CD8B: variants seen among roughly 807,000 people sequenced by gnomAD.
CD8B encodes T-cell surface glycoprotein CD8 beta chain.
CD8B carries 6 observed loss-of-function variants against 24.2 expected under a neutral mutation model. The observed-to-expected ratio is 0.25, with a 90% CI of 0.14 to 0.49. CD8B has a LOEUF of 0.49. CD8B is among the 20% of genes least tolerant of loss of function. CD8B has a pLI of 0.98. For missense variants in CD8B, 196 were observed against 271.3 expected, an observed-to-expected ratio of 0.72 and a Z score of 1.95; for synonymous variants, 84 against 108.3, an observed-to-expected ratio of 0.78 and a Z score of 1.39.
At chr2:86,819,691 A>G (rs944982684) in intron 5 of CD8B, among the ~76,000 whole-genome samples, 2 of 152,228 alleles carry the variant, frequency 1.3e-5, no homozygotes, top group African/African-American at 4.8e-5. Flanking sequence ...GGAGATTAAT[A>G]TTGTTTTTCA....
chr2:86,821,772 AG>A (rs1558747302), intron 5 of CD8B: 1 of 426,234 alleles, frequency 2.3e-6, no homozygotes, highest in Non-Finnish European at 4.8e-6. Flanking sequence ...CCGCTGCAGC[AG>A]GGGAAAGCCC....
In CD8B at chr2:86,840,191, A is replaced by C. The variant is rs1675355307; in HGVS notation, c.*2116T>G. ...AAACACCTGGGTCTGGGGGCAGGGC[A>C]TCTAAGGCCAATTCGTGCTGAATGA... On this transcript the variant is annotated 3_prime_UTR_variant, in exon 6 of 6. Transcript: ENST00000390655. 1.3e-5 allele frequency among the ~76,000 whole-genome samples: 2 copies of C among 152,056 alleles called. No homozygotes were observed. Among genetic ancestry groups the C allele is most frequent in the Non-Finnish European group, 2.9e-5 (2 of 68,010 alleles).
intron 1 of CD8B, 36 bp downstream of exon 1, chr2:86,861,787 G>T: frequency 1.6e-6 from 2 of 1,255,684 alleles, no homozygotes; most frequent in Middle Eastern, 3.0e-4. Flanking sequence ...CCCCGGGAGC[G>T]CAGACCCTTG....
intron 5 of CD8B, chr2:86,843,347 T>C: frequency 2.2e-6 from 1 of 448,366 alleles, no homozygotes; most frequent in Middle Eastern, 1.1e-3. Flanking sequence ...CTACCTGCCT[T>C]GGGCCTCCCA....
intron 1 of CD8B, among the ~76,000 whole-genome samples, chr2:86,859,070 C>T (rs1205731663): frequency 6.6e-6 from 1 of 152,078 alleles, no homozygotes; most frequent in Non-Finnish European, 1.5e-5. Flanking sequence ...CCCTGGCTGC[C>T]ACTGGATGTA....
chr2:86,858,279 G>A lies in CD8B; in HGVS notation c.181C>T (p.Pro61Ser), dbSNP rs967089228. 7 of 1,613,882 alleles carry A rather than the reference G, an allele frequency of 4.3e-6. No homozygotes were observed. The African/African-American group carries it at 9.3e-5, about 22-fold the overall frequency. ...AACTCGTGGTGACTGTCACTGCTCGGTGCCTGGCGCTGTCTCAGCCAGTAG... is the reference window on the plus strand; with the variant it reads ...AACTCGTGGTGACTGTCACTGCTCGATGCCTGGCGCTGTCTCAGCCAGTAG... ...RIYWLRQRQA[P>S]SSDSHHEFLA... is the part of the protein sequence containing the mutation. Residue 61 changes from proline (P) to serine (S), a missense_variant, in exon 2 of 6, where the codon CCG becomes TCG. By Grantham distance (74) the Pro-to-Ser change is moderately conservative (BLOSUM62 -1). Coordinates refer to ENST00000390655, the MANE Select transcript of CD8B (RefSeq NM_004931.5).
chr2:86,832,952 C>CT, intron 5 of CD8B: 1 of 109,950 alleles, frequency 9.1e-6, no homozygotes, highest in Non-Finnish European at 2.1e-5. Flanking sequence ...CCCCTCTCCT[C>CT]CCCTCCCCTC....
chr2:86,823,195 C>T (rs557701226), intron 5 of CD8B, among the ~76,000 whole-genome samples: 6 of 152,152 alleles, frequency 3.9e-5, no homozygotes, highest in Non-Finnish European at 5.9e-5. Context: ...AATTCAGAGA[C>T]ACCACTCTTG....
intron 3 of CD8B, among the ~76,000 whole-genome samples, chr2:86,848,100 A>G (rs1675774596): frequency 6.6e-6 from 1 of 152,132 alleles, no homozygotes; most frequent in African/African-American, 2.4e-5. Context: ...AACAACCTGT[A>G]TATTTCCTTA....
intron 5 of CD8B, among the ~76,000 whole-genome samples, chr2:86,816,846 A>G (rs1674269898): frequency 6.6e-6 from 1 of 152,264 alleles, no homozygotes; most frequent in Non-Finnish European, 1.5e-5. Context: ...TAAAAGTGTG[A>G]TGTTACCATT....
At chr2:86,843,672 C>T (rs1675538786) in intron 5 of CD8B, 1 of 985,228 alleles carries the variant, frequency 1.0e-6, no homozygotes, top group Non-Finnish European at 1.2e-6. Context: ...TCCATTGCTG[C>T]ACTTGCAGAG....
chr2:86,847,230 T>TCCGG (rs1325314964), intron 3 of CD8B, among the ~76,000 whole-genome samples: 1 of 152,008 alleles, frequency 6.6e-6, no homozygotes, highest in Non-Finnish European at 1.5e-5. Context: ...AGCCACCATG[T>TCCGG]CCGGCCATCG....
intron 5 of CD8B, among the ~76,000 whole-genome samples, chr2:86,832,113 G>A (rs1020112929): frequency 6.6e-6 from 1 of 152,136 alleles, no homozygotes; most frequent in African/African-American, 2.4e-5. Flanking sequence ...CTCTATCTGG[G>A]GTGGTGAATT....
At position 86,858,062 on chromosome 2, in the gene CD8B, C is replaced by A; in HGVS notation, c.398G>T (p.Ser133Ile). 1 of 1,613,692 alleles carries A rather than the reference C, an allele frequency of 6.2e-7. No homozygotes were observed. The change falls in exon 2 of 6, where the codon AGT becomes ATT. Residue 133 changes from serine (S) to isoleucine (I), a missense_variant. Transcript: ENST00000390655. ...ELTFGKGTQL[S>I]VVDFLPTTAQ... Reference sequence around the variant, plus strand: ...GCATTGAGCCTGCTTCTTACCCACACTCAGCTGAGTTCCCTTCCCGAAGGT... The same window carrying A: ...GCATTGAGCCTGCTTCTTACCCACAATCAGCTGAGTTCCCTTCCCGAAGGT...
At chr2:86,842,992 C>A (rs1367521352) in intron 5 of CD8B, among the ~76,000 whole-genome samples, 1 of 151,972 alleles carries the variant, frequency 6.6e-6, no homozygotes, top group African/African-American at 2.4e-5. Flanking sequence ...CACTGGGGAG[C>A]AAGTTAAAAT....
At chr2:86,858,535 G>C in intron 1 of CD8B, 119 bp from the exon 2 acceptor site, 1 of 1,450,658 alleles carries the variant, frequency 6.9e-7, no homozygotes, top group South Asian at 1.5e-5. Flanking sequence ...CCAGTTACTG[G>C]GTCCAGGGAG....
chr2:86,822,076 A>G (rs1674501439), intron 5 of CD8B, among the ~76,000 whole-genome samples: 2 of 152,162 alleles, frequency 1.3e-5, no homozygotes, highest in Admixed American at 1.3e-4. Context: ...CACAGGGCAG[A>G]GATGAACCAG....
In CD8B at chr2:86,846,224, G is replaced by A. The variant is rs554770492; in HGVS notation, c.583+460C>T. Reference sequence around the variant, plus strand: ...CCACAGCCTCATCAATATCGGTGTCGTGGAGAGGATTTCTAGCTTCTAGGA... The same window carrying A: ...CCACAGCCTCATCAATATCGGTGTCATGGAGAGGATTTCTAGCTTCTAGGA... On this transcript the variant is annotated intron_variant, in intron 4 of 5. Coordinates refer to ENST00000390655, the MANE Select transcript of CD8B (RefSeq NM_004931.5). 3.3e-5 allele frequency among the ~76,000 whole-genome samples: 5 copies of A among 152,324 alleles called. No homozygotes were observed. In the East Asian group the frequency reaches 5.8e-4, roughly 18 times the overall value.
Position 86,841,012 on chromosome 2 carries a change from C to A in CD8B, c.*1295G>T, listed in dbSNP as rs1333649599. Among the ~76,000 whole-genome samples, 1 of 152,106 alleles carries A rather than the reference C, an allele frequency of 6.6e-6. No homozygotes were observed. The highest frequency in any genetic ancestry group is 1.5e-5 in the Non-Finnish European group (1 of 68,036). On this transcript the variant is annotated 3_prime_UTR_variant, in exon 6 of 6. Transcript: ENST00000390655. ...CAGGAAAAGCAGGTGAGGCTGGATTCTCCCTGGACCTGGACGTGGTGCTTC... is the reference window on the plus strand; with the variant it reads ...CAGGAAAAGCAGGTGAGGCTGGATTATCCCTGGACCTGGACGTGGTGCTTC...
Sources: allele counts gnomAD v4.1 joint callset (sites outside exome capture counted in the v4.1 genomes callset), GRCh38; gene constraint gnomAD v4.1.1; transcripts MANE v1.5; gene names NCBI Gene and HGNC (gene_info 2026-07-23, HGNC 2026-07-21).